Variants in BIRC6 observed in about 807,000 individuals in gnomAD.
BIRC6 encodes the protein dual E2 ubiquitin-conjugating enzyme/E3 ubiquitin-protein ligase BIRC6.
A neutral mutation model predicts 503.3 loss-of-function variants in BIRC6; 98 were observed. That is an observed-to-expected ratio of 0.19 (90% CI 0.17 to 0.23). BIRC6 has a LOEUF of 0.23. Among genes scored for constraint, BIRC6 ranks in the 10% least tolerant of loss-of-function variants. The pLI is 1.00. For missense variants in BIRC6, 5,360 were observed against 5,806.0 expected, an observed-to-expected ratio of 0.92 and a Z score of 2.50; for synonymous variants, 2,240 against 2,078.7, an observed-to-expected ratio of 1.08 and a Z score of -2.11.
At chr2:32,424,893 G>C (rs1047465037) in intron 10 of BIRC6, among the ~76,000 whole-genome samples, 15 of 152,068 alleles carry the variant, frequency 9.9e-5, no homozygotes, top group Admixed American at 7.9e-4. Context: ...AGTTTGGAAG[G>C]GTCCCAGTTT....
At position 32,473,138 on chromosome 2, in the gene BIRC6, A is replaced by G; in HGVS notation, c.6619A>G (p.Asn2207Asp). 6.3e-7 allele frequency: 1 copy of G among 1,580,514 alleles called. No individual in the cohort carries two copies. The highest frequency in any genetic ancestry group is 8.6e-7 in the Non-Finnish European group (1 of 1,161,342). The stretch of plus-strand genomic sequence containing the variant: ...TAATCAGTGGAGTTTTATTAACAAT[A>G]ATCTACACACTCAGAGCTTAAATAG... ...NGNQWSFINN[N>D]LHTQSLNRSS... Residue 2207 changes from asparagine to aspartate, a missense_variant, in exon 33 of 74, where the codon AAT (asparagine) becomes GAT (aspartate). By Grantham distance (23) the Asn-to-Asp change is conservative. Coordinates refer to ENST00000421745, the MANE Select transcript of BIRC6 (RefSeq NM_016252.4).
chr2:32,499,832 C>T lies in BIRC6; in HGVS notation c.8754C>T (p.Leu2918=). Reference sequence around the variant, plus strand: ...GTGGCGAAATGACAAGAGATCAACTCATGTTTGATTTGTTAAAACTTGTTA... The same window carrying T: ...GTGGCGAAATGACAAGAGATCAACTTATGTTTGATTTGTTAAAACTTGTTA... ...AVCGEMTRDQ[L]MFDLLKLVNI... The change falls in exon 46 of 74, where the codon CTC becomes CTT. Residue 2918 remains leucine (L), a synonymous_variant. Coordinates refer to ENST00000421745, the MANE Select transcript of BIRC6 (RefSeq NM_016252.4). 3.7e-6 allele frequency: 6 copies of T among 1,613,976 alleles called. No individual in the cohort carries two copies. The highest frequency in any genetic ancestry group is 5.1e-6 in the Non-Finnish European group (6 of 1,179,882).
rs1235610281 is a variant in BIRC6 at position 32,618,164 on chromosome 2, A to C, written c.*260A>C. On this transcript the variant is annotated 3_prime_UTR_variant, in exon 74 of 74. Transcript: ENST00000421745. ...ATTTGTGTATACAAAGAAATGGATA[A>C]ATCACTGCTATATAAGGGAAACTAC... 6.7e-6 allele frequency: 2 copies of C among 299,608 alleles called. No individual in the cohort carries two copies. Among genetic ancestry groups the C allele is most frequent in the African/African-American group, 4.2e-5 (2 of 47,260 alleles). 18.6% of individuals were successfully genotyped at this position (299,608 alleles called of 1,614,324 possible). A position where few individuals can be genotyped will look rare whatever the true frequency, so the allele number is the denominator to read the frequency against.
At chr2:32,546,954 C>T (rs2058093856) in intron 63 of BIRC6, among the ~76,000 whole-genome samples, 1 of 152,146 alleles carries the variant, frequency 6.6e-6, no homozygotes, top group Non-Finnish European at 1.5e-5. Context: ...TGGCTCACAC[C>T]TATATTCCTA....
In BIRC6 at chr2:32,608,219, C is replaced by T. The variant is rs981374397; in HGVS notation, c.14259+576C>T. The stretch of plus-strand genomic sequence containing the variant: ...AAGGCAGGAGGTTTGCCTGAGCCCA[C>T]GAGTTTGAGGCTGCAGTAAGCTGTG... On this transcript the variant is annotated intron_variant, in intron 72 of 73. Transcript: ENST00000421745. Among the ~76,000 whole-genome samples the T allele has an allele frequency of 2.0e-5, 3 of 148,300 alleles. No homozygotes were observed. In the East Asian group the frequency reaches 6.0e-4, roughly 29 times the overall value.
chr2:32,406,514 G>A lies in BIRC6; in HGVS notation c.1434G>A (p.Glu478=), dbSNP rs1266019397. Residue 478 remains glutamate, a synonymous_variant, in exon 9 of 74, where the codon GAG becomes GAA. Transcript: ENST00000421745. The stretch of plus-strand genomic sequence containing the variant: ...TTGATTTAAGTGATGATTTACTGGA[G>A]GATTCAGACAGTGAAGAGCATTCCA... ...KLEGDSDDLL[E]DSDSEEHSRS... 6.2e-7 allele frequency: 1 copy of A among 1,609,280 alleles called. No individual in the cohort carries two copies. The highest frequency in any genetic ancestry group is 2.2e-5 in the East Asian group (1 of 44,720).
Position 32,448,912 on chromosome 2 carries a change from A to T in BIRC6, c.4602A>T (p.Leu1534Phe). The part of the protein sequence containing the change: ...SIGVQSDEID[L>F]SDVLSGNGKV... ...GTGTCCAGTCAGATGAAATTGATTT[A>T]TCAGATGTCCTTTCAGGTAGTGATT... The change falls in exon 22 of 74, where the codon TTA becomes TTT. Residue 1534 changes from leucine (L) to phenylalanine (F), a missense_variant. Coordinates refer to ENST00000421745, the MANE Select transcript of BIRC6 (RefSeq NM_016252.4). 6.2e-7 allele frequency: 1 copy of T among 1,612,436 alleles called. No homozygotes were observed. The highest frequency in any genetic ancestry group is 8.5e-7 in the Non-Finnish European group (1 of 1,179,454).
At chr2:32,426,774 C>T (rs561588543) in intron 10 of BIRC6, among the ~76,000 whole-genome samples, 229 of 152,292 alleles carry the variant, frequency 1.5e-3, no homozygotes, top group Admixed American at 4.7e-3. Flanking sequence ...TTTCCTTCCT[C>T]TTAAAGGGGC....
intron 65 of BIRC6, among the ~76,000 whole-genome samples, chr2:32,559,939 C>T (rs1203340553): frequency 1.3e-5 from 2 of 151,930 alleles, no homozygotes; most frequent in East Asian, 1.9e-4. Context: ...TTGCCTGAAC[C>T]CGGGAGGCGG....
At chr2:32,391,845 C>G (rs780370065) in intron 4 of BIRC6, among the ~76,000 whole-genome samples, 194 bp from the exon 5 acceptor site, 5 of 152,338 alleles carry the variant, frequency 3.3e-5, no homozygotes, top group South Asian at 2.1e-4. Flanking sequence ...ATCAGGTTTT[C>G]TCCTTCCCTT....
At position 32,468,640 on chromosome 2, in the gene BIRC6, A is replaced by C. The variant is rs369991448; in HGVS notation, c.5984A>C (p.Lys1995Thr). 1 of 1,614,028 alleles carries C rather than the reference A, an allele frequency of 6.2e-7. No individual in the cohort carries two copies. The highest frequency in any genetic ancestry group is 2.2e-5 in the East Asian group (1 of 44,882). ...GCTCATAATGCAGTGCAGAGGCTCA[A>C]AGTGGCGCTAGGTGCAAGCCGGAAG... ...NLAHNAVQRLKVALGASRKML... is the reference protein window; with the variant it reads ...NLAHNAVQRLTVALGASRKML... The change falls in exon 29 of 74, where the codon AAA (lysine) becomes ACA (threonine). Residue 1995 changes from lysine (K) to threonine (T), a missense_variant. Around this residue, in one of 16 missense-constraint regions of BIRC6, gnomAD observed 2,299 missense variants for 2,267.2 expected, o/e 1.01. Transcript: ENST00000421745.
intron 66 of BIRC6, among the ~76,000 whole-genome samples, chr2:32,578,682 G>C (rs1315735612): frequency 6.6e-6 from 1 of 151,820 alleles, no homozygotes. Flanking sequence ...TGTAATCCCA[G>C]GAACTTGGGA....
At chr2:32,575,473 A>G (rs1206903348) in intron 66 of BIRC6, 107 bp downstream of exon 66, 6 of 1,053,030 alleles carry the variant, frequency 5.7e-6, no homozygotes, top group African/African-American at 3.1e-5. Context: ...TTAAAAGCAT[A>G]TACACCCTCG....
chr2:32,515,646 C>T lies in BIRC6; in HGVS notation c.11225C>T (p.Ser3742Phe), dbSNP rs1348434556. 6.2e-7 allele frequency: 1 copy of T among 1,611,696 alleles called. No individual in the cohort carries two copies. The highest frequency in any genetic ancestry group is 8.5e-7 in the Non-Finnish European group (1 of 1,179,870). ...CAACAGACCAGTGCAAGATCAGCTTCTCTTTCTTCAGCTGCTACAACAGGA... is the reference window on the plus strand; with the variant it reads ...CAACAGACCAGTGCAAGATCAGCTTTTCTTTCTTCAGCTGCTACAACAGGA... ...GAQQTSARSASLSSAATTGLT... is the reference protein window; with the variant it reads ...GAQQTSARSAFLSSAATTGLT... Residue 3742 changes from serine (S) to phenylalanine (F), a missense_variant, in exon 55 of 74, where the codon TCT becomes TTT. Coordinates refer to ENST00000421745, the MANE Select transcript of BIRC6 (RefSeq NM_016252.4).
At chr2:32,576,088 T>G (rs2060249360) in intron 66 of BIRC6, among the ~76,000 whole-genome samples, 1 of 152,230 alleles carries the variant, frequency 6.6e-6, no homozygotes, top group African/African-American at 2.4e-5. Context: ...ATTTAACTAT[T>G]TATTAGTAGA....
chr2:32,470,449 A>G lies in BIRC6; in HGVS notation c.6481+148A>G, dbSNP rs1426759553. On this transcript the variant is annotated intron_variant, in intron 31 of 73. Transcript: ENST00000421745. Reference sequence around the variant, plus strand: ...AAGCTTTTAAGAATGAGCAACCCTCATGTGATTGACTGCCATATAGTTAAT... The same window carrying G: ...AAGCTTTTAAGAATGAGCAACCCTCGTGTGATTGACTGCCATATAGTTAAT... 6 of 754,276 alleles carry G rather than the reference A, an allele frequency of 8.0e-6. No individual in the cohort carries two copies. The East Asian group carries it at 1.8e-4, about 23-fold the overall frequency. 46.7% of individuals were successfully genotyped at this position (754,276 alleles called of 1,614,324 possible).
intron 49 of BIRC6, among the ~76,000 whole-genome samples, chr2:32,504,034 T>TTGTGTGTGTGTGTGTGTGTGTGTGTG (rs556051105): frequency 1.3e-5 from 1 of 78,228 alleles, no homozygotes; most frequent in Non-Finnish European, 2.3e-5. Context: ...GGGGGGGTGT[T>TTGTGTGTGTGTGTGTGTGTGTGTGTG]TGTGTGTGTG....
chr2:32,590,410 T>C (rs928577037), intron 66 of BIRC6, among the ~76,000 whole-genome samples: 1 of 152,224 alleles, frequency 6.6e-6, no homozygotes, highest in Admixed American at 6.5e-5. Context: ...CTTTGCAGTA[T>C]GTTTAGCTTA....
At chr2:32,433,616 A>T (rs1161918843) in intron 12 of BIRC6, 28 bp from the exon 13 acceptor site, 2 of 1,516,628 alleles carry the variant, frequency 1.3e-6, no homozygotes, top group Admixed American at 1.8e-5. Context: ...TTTTTGCTTT[A>T]TTTAGCATTT....
Sources: allele counts gnomAD v4.1 joint callset (sites outside exome capture counted in the v4.1 genomes callset), GRCh38; gene constraint gnomAD v4.1.1; regional missense constraint gnomAD v4.1.1; transcripts MANE v1.5; gene names NCBI Gene and HGNC (gene_info 2026-07-23, HGNC 2026-07-21).